Variants in ASB7 observed in about 807,000 individuals in gnomAD.
The protein encoded by ASB7 is ankyrin repeat and SOCS box containing 7.
A neutral mutation model predicts 32.5 loss-of-function variants in ASB7; 4 were observed. The observed-to-expected ratio is 0.12, with a 90% CI of 0.06 to 0.28. ASB7 has a LOEUF of 0.28. ASB7 is among the 10% of genes least tolerant of loss of function. ASB7 has a pLI of 1.00. For synonymous variants in ASB7, 172 were observed against 155.6 expected (o/e 1.11, Z -0.78); for missense variants, 181 against 407.1 (o/e 0.44, Z 4.78).
intron 5 of ASB7, among the ~76,000 whole-genome samples, chr15:100,646,951 A>G (rs1245124499): frequency 6.6e-6 from 1 of 152,208 alleles, no homozygotes; most frequent in African/African-American, 2.4e-5. Context: ...TCAGAAGCAT[A>G]TATGAAAATT....
At chr15:100,636,204 T>C (rs971867696) in intron 5 of ASB7, among the ~76,000 whole-genome samples, 4 of 152,220 alleles carry the variant, frequency 2.6e-5, no homozygotes, top group South Asian at 2.1e-4. Context: ...ATTTGTTTCC[T>C]CTCCAAATTG....
chr15:100,645,624 G>A (rs930680704), intron 5 of ASB7: 10 of 891,678 alleles, frequency 1.1e-5, no homozygotes, highest in Non-Finnish European at 1.9e-5. Flanking sequence ...TCATGGGTAG[G>A]AGACCGTTTT....
At position 100,648,941 on chromosome 15, in the gene ASB7, TCATTTTTAATGAGTAC is replaced by T. The variant is rs1178068938; in HGVS notation, c.*480_*495del. 3 of 152,750 alleles carry T rather than the reference TCATTTTTAATGAGTAC, an allele frequency of 2.0e-5. No individual in the cohort carries two copies. The highest frequency in any genetic ancestry group is 7.2e-5 in the African/African-American group (3 of 41,444). The allele number at this position is 152,750 out of a possible 1,614,324, so 9.5% of individuals were successfully genotyped here. On this transcript the variant is annotated 3_prime_UTR_variant, in exon 6 of 6. Coordinates refer to ENST00000332783, the MANE Select transcript of ASB7 (RefSeq NM_198243.3). Reference sequence around the variant, plus strand: ...GTTTGAAGTAACGCTGTCACCTCATTCATTTTTAATGAGTACAAACTGGCCGTTTCAAACTGTTCTT... The same window carrying T: ...GTTTGAAGTAACGCTGTCACCTCATTAAACTGGCCGTTTCAAACTGTTCTT...
chr15:100,636,750 A>G (rs945328394), intron 5 of ASB7, among the ~76,000 whole-genome samples: 1 of 152,222 alleles, frequency 6.6e-6, no homozygotes, highest in African/African-American at 2.4e-5. Flanking sequence ...CAAAACAAAA[A>G]TTGTTTTTTA....
chr15:100,622,690 T>G (rs1200134673), intron 4 of ASB7, among the ~76,000 whole-genome samples: 1 of 152,202 alleles, frequency 6.6e-6, no homozygotes, highest in Non-Finnish European at 1.5e-5. Flanking sequence ...GAACATACTT[T>G]GAGGAAAGGA....
chr15:100,632,177 G>A (rs1462701289), intron 5 of ASB7, among the ~76,000 whole-genome samples: 1 of 152,240 alleles, frequency 6.6e-6, no homozygotes, highest in East Asian at 1.9e-4. Context: ...GCCTCTGTCT[G>A]TGCTTAGGTT....
intron 5 of ASB7, chr15:100,646,520 C>T (rs1291625581): frequency 2.3e-6 from 1 of 434,882 alleles, no homozygotes; most frequent in African/African-American, 2.0e-5. Context: ...TTGTGGAACT[C>T]ATTTCTGCCC....
rs114282885 is a variant in ASB7, at chr15:100,611,150, T to C, written c.-51-1016T>C. Among the ~76,000 whole-genome samples the C allele has an allele frequency of 9.8e-3, 1,496 of 152,210 alleles. 28 individuals are homozygous for C. Among genetic ancestry groups the C allele is most frequent in the African/African-American group, 0.034 (1,416 of 41,516 alleles). On this transcript the variant is annotated intron_variant, in intron 3 of 5. Transcript: ENST00000332783. ...GCCTCAACCTCCCAAGCTCAAGTGA[T>C]CCTCCTGCTTCTACCTGCCGAGTAG... is the stretch of plus-strand genomic sequence containing the variant.
At chr15:100,617,423 G>A (rs2039753159) in intron 4 of ASB7, among the ~76,000 whole-genome samples, 1 of 152,150 alleles carries the variant, frequency 6.6e-6, no homozygotes, top group African/African-American at 2.4e-5. Context: ...GTCACTGAGT[G>A]CAAAGGTTTT....
intron 5 of ASB7, among the ~76,000 whole-genome samples, chr15:100,639,281 A>G (rs568992981): frequency 2.6e-5 from 4 of 152,370 alleles, no homozygotes; most frequent in African/African-American, 7.2e-5. Context: ...AGATATCTGA[A>G]GATACTATTT....
At chr15:100,604,383 T>C (rs2039620160) in intron 2 of ASB7, among the ~76,000 whole-genome samples, 1 of 152,208 alleles carries the variant, frequency 6.6e-6, no homozygotes, top group Non-Finnish European at 1.5e-5. Flanking sequence ...TAACATCCAG[T>C]AGCAAAAGTA....
intron 5 of ASB7, among the ~76,000 whole-genome samples, chr15:100,643,861 A>T (rs2039979577): frequency 6.6e-6 from 1 of 151,904 alleles, no homozygotes. Context: ...ATTTTGGATG[A>T]TACGTTTTCA....
chr15:100,613,145 A>G (rs1030760628), intron 4 of ASB7, among the ~76,000 whole-genome samples: 1 of 152,230 alleles, frequency 6.6e-6, no homozygotes, highest in Non-Finnish European at 1.5e-5. Context: ...ATGTATACCC[A>G]CATTATCTCT....
At chr15:100,633,026 G>T (rs571038063) in intron 5 of ASB7, among the ~76,000 whole-genome samples, 5 of 152,056 alleles carry the variant, frequency 3.3e-5, no homozygotes, top group African/African-American at 9.6e-5. Flanking sequence ...CTTCCAGGAC[G>T]TCAGGAGCGC....
At chr15:100,617,393 C>T (rs2039752864) in intron 4 of ASB7, among the ~76,000 whole-genome samples, 1 of 152,236 alleles carries the variant, frequency 6.6e-6, no homozygotes, top group African/African-American at 2.4e-5. Flanking sequence ...TGAGCCACAG[C>T]CCCTCTGCAT....
chr15:100,633,774 G>C (rs1169651615), intron 5 of ASB7, among the ~76,000 whole-genome samples: 1 of 152,190 alleles, frequency 6.6e-6, no homozygotes, highest in Non-Finnish European at 1.5e-5. Context: ...AGCCCCTTGT[G>C]CCTGGGCCAG....
chr15:100,611,504 GA>G (rs1333491443), intron 3 of ASB7, among the ~76,000 whole-genome samples: 1 of 6,908 alleles, frequency 1.4e-4, no homozygotes, highest in Non-Finnish European at 5.0e-4. Flanking sequence ...TTTTGAGACA[GA>G]ATTTCACTCT....
chr15:100,603,326 C>A lies in ASB7; in HGVS notation c.-174+13C>A, dbSNP rs67616875. The stretch of plus-strand genomic sequence containing the variant: ...ATCGTCTGTAAAGGTAATGAGCCAG[C>A]CCTCCCCTCCCCCGTTGTTTATTCC... On this transcript the variant is annotated intron_variant, in intron 2 of 5. Transcript: ENST00000332783. 56,274 of 247,856 alleles carry A rather than the reference C, an allele frequency of 0.23. 6,946 individuals carry two copies. The highest frequency in any genetic ancestry group is 0.38 in the Admixed American group (6,759 of 17,982). 15.4% of individuals were successfully genotyped at this position (247,856 alleles called of 1,614,324 possible). A position where few individuals can be genotyped will look rare whatever the true frequency, so the allele number is the denominator to read the frequency against.
At position 100,612,117 on chromosome 15, in the gene ASB7, A is replaced by T. The variant is rs1476261441; in HGVS notation, c.-51-49A>T. ...TGTGATATTTAATAGATGCAGTATC[A>T]GGAACCAGTTATTCTAAATTTTACC... On this transcript the variant is annotated intron_variant, in intron 3 of 5. Transcript: ENST00000332783. 3 of 976,836 alleles carry T rather than the reference A, an allele frequency of 3.1e-6. No individual in the cohort carries two copies. In the Admixed American group the frequency reaches 6.2e-5, roughly 20 times the overall value. 60.5% of individuals were successfully genotyped at this position (976,836 alleles called of 1,614,324 possible). A position where few individuals can be genotyped will look rare whatever the true frequency, so the allele number is the denominator to read the frequency against.
Sources: gnomAD v4.1 joint callset for allele counts (sites outside exome capture counted in the v4.1 genomes callset) on GRCh38, gnomAD v4.1.1 for gene constraint, MANE v1.5 for transcripts, NCBI Gene and HGNC (gene_info 2026-07-23, HGNC 2026-07-21) for gene names.